The following GRID2 variants were observed in gnomAD, a reference collection of about 807,000 sequenced individuals.
The protein encoded by GRID2 is glutamate ionotropic receptor delta type subunit 2.
GRID2 carries 33 observed loss-of-function variants against 114.8 expected under a neutral mutation model. That is an observed-to-expected ratio of 0.29 (90% CI 0.22 to 0.38). The LOEUF is 0.38. Ranked by LOEUF, GRID2 falls within the 10% of genes least tolerant of loss-of-function variation. The pLI, the probability that GRID2 is intolerant of heterozygous loss-of-function variation, is 1.00. For missense variants in GRID2, 1,184 were observed against 1,257.7 expected, an observed-to-expected ratio of 0.94 and a Z score of 0.89; for synonymous variants, 505 against 449.9, an observed-to-expected ratio of 1.12 and a Z score of -1.55.
intron 1 of GRID2, among the ~76,000 whole-genome samples, chr4:92,550,422 G>A (rs956228983): frequency 2.6e-5 from 4 of 152,086 alleles, no homozygotes; most frequent in African/African-American, 9.7e-5. Flanking sequence ...ATGTTCATTA[G>A]ACACCTACCA....
At chr4:93,315,811 A>G (rs1756520796) in intron 8 of GRID2, among the ~76,000 whole-genome samples, 1 of 152,178 alleles carries the variant, frequency 6.6e-6, no homozygotes, top group Non-Finnish European at 1.5e-5. Flanking sequence ...ATAGTAACTT[A>G]ATTTCCTATT....
At chr4:93,409,154 G>A (rs1299134858) in intron 9 of GRID2, among the ~76,000 whole-genome samples, 2 of 152,108 alleles carry the variant, frequency 1.3e-5, no homozygotes, top group South Asian at 2.1e-4. Flanking sequence ...CTATGTTTAG[G>A]GGCCTGTGAA....
chr4:92,505,781 C>T (rs567010029), intron 1 of GRID2, among the ~76,000 whole-genome samples: 22 of 151,956 alleles, frequency 1.4e-4, no homozygotes, highest in Non-Finnish European at 2.9e-4. Context: ...TCTTTTAGTG[C>T]AATGTATATC....
At chr4:92,476,223 C>T (rs1265946742) in intron 1 of GRID2, among the ~76,000 whole-genome samples, 1 of 152,026 alleles carries the variant, frequency 6.6e-6, no homozygotes. Flanking sequence ...GACCGGGTTT[C>T]ACCGTGTTAG....
intron 14 of GRID2, among the ~76,000 whole-genome samples, chr4:93,734,909 CA>C (rs1474222670): frequency 6.6e-6 from 1 of 151,938 alleles, no homozygotes; most frequent in Admixed American, 6.6e-5. Context: ...CATGGGGTAA[CA>C]AAAGCAACAT....
intron 2 of GRID2, among the ~76,000 whole-genome samples, chr4:92,944,881 G>A (rs897124578): frequency 1.3e-5 from 2 of 152,144 alleles, no homozygotes; most frequent in South Asian, 2.1e-4. Flanking sequence ...TATTTTAAAT[G>A]TATAGCTTCT....
chr4:92,445,700 T>G (rs1733421450), intron 1 of GRID2, among the ~76,000 whole-genome samples: 1 of 152,208 alleles, frequency 6.6e-6, no homozygotes. Flanking sequence ...TGATACAGAC[T>G]AGCCCCATCG....
intron 2 of GRID2, among the ~76,000 whole-genome samples, chr4:92,912,489 A>T (rs1269515067): frequency 1.5e-5 from 2 of 129,602 alleles, no homozygotes; most frequent in African/African-American, 5.6e-5. Flanking sequence ...TTTGATATGT[A>T]CAGAAAAAAA....
chr4:92,612,806 T>C (rs187971340), intron 2 of GRID2, among the ~76,000 whole-genome samples: 3 of 151,524 alleles, frequency 2.0e-5, no homozygotes, highest in African/African-American at 7.2e-5. Flanking sequence ...AGGAACTCAA[T>C]TGTTTGTTAA....
chr4:93,331,458 G>A (rs180763838), intron 8 of GRID2, among the ~76,000 whole-genome samples: 1 of 151,866 alleles, frequency 6.6e-6, no homozygotes, highest in East Asian at 1.9e-4. Flanking sequence ...ACCACAACCT[G>A]ATTCTTTCTT....
intron 2 of GRID2, among the ~76,000 whole-genome samples, chr4:92,741,280 A>G (rs191797451): frequency 1.6e-4 from 24 of 152,274 alleles, no homozygotes; most frequent in Admixed American, 1.5e-3. Flanking sequence ...ATAAGGCACA[A>G]GAAACACTGT....
intron 4 of GRID2, among the ~76,000 whole-genome samples, chr4:93,151,844 T>G (rs1736767247): frequency 6.6e-6 from 1 of 152,176 alleles, no homozygotes; most frequent in South Asian, 2.1e-4. Flanking sequence ...GAACTTGTTT[T>G]GTGTGTCTCG....
chr4:92,915,016 A>G (rs1748673896), intron 2 of GRID2, among the ~76,000 whole-genome samples: 1 of 152,278 alleles, frequency 6.6e-6, no homozygotes, highest in Admixed American at 6.5e-5. Context: ...ACAGTCCAGC[A>G]TGGCTGAAGA....
At chr4:93,471,920 G>A (rs1433436904) in intron 11 of GRID2, among the ~76,000 whole-genome samples, 14 of 149,012 alleles carry the variant, frequency 9.4e-5, no homozygotes, top group Admixed American at 4.6e-4. Context: ...GGCTGGTCTC[G>A]AACTCCCGAC....
In GRID2 at chr4:92,622,860, T is replaced by C. The variant is rs898574994; in HGVS notation, c.244+32574T>C. Among the ~76,000 whole-genome samples, 3 of 151,756 alleles carry C rather than the reference T, an allele frequency of 2.0e-5. No individual in the cohort carries two copies. In the East Asian group the frequency reaches 5.8e-4, roughly 29 times the overall value. Reference sequence around the variant, plus strand: ...TTCACAGGTTTATTGTAATATCCAATAGGTGATAGATTGGAAAGTCTATGT... The same window carrying C: ...TTCACAGGTTTATTGTAATATCCAACAGGTGATAGATTGGAAAGTCTATGT... On this transcript the variant is annotated intron_variant, in intron 2 of 15. Coordinates refer to ENST00000282020, the MANE Select transcript of GRID2 (RefSeq NM_001510.4).
At chr4:92,941,262 T>A (rs987541540) in intron 2 of GRID2, among the ~76,000 whole-genome samples, 1 of 152,202 alleles carries the variant, frequency 6.6e-6, no homozygotes, top group African/African-American at 2.4e-5. Context: ...AACTGGTCTA[T>A]TCAGAGATTC....
chr4:92,804,632 A>C (rs1037825026), intron 2 of GRID2, among the ~76,000 whole-genome samples: 4 of 152,014 alleles, frequency 2.6e-5, no homozygotes, highest in African/African-American at 7.2e-5. Context: ...TTCTCCTGTA[A>C]GACTGCTTTA....
chr4:92,429,034 C>A (rs538685342), intron 1 of GRID2, among the ~76,000 whole-genome samples: 1 of 152,228 alleles, frequency 6.6e-6, no homozygotes, highest in Non-Finnish European at 1.5e-5. Flanking sequence ...CCCCGACAGG[C>A]CCCAGTGTGT....
At chr4:93,490,439 A>G (rs547018426) in intron 11 of GRID2, among the ~76,000 whole-genome samples, 200 bp from the exon 12 acceptor site, 17 of 151,988 alleles carry the variant, frequency 1.1e-4, no homozygotes, top group African/African-American at 3.6e-4. Context: ...AATATTTATC[A>G]TGCTTCTTTT....
Sources: allele counts gnomAD v4.1 joint callset (sites outside exome capture counted in the v4.1 genomes callset), GRCh38; gene constraint gnomAD v4.1.1; transcripts MANE v1.5; gene names NCBI Gene and HGNC (gene_info 2026-07-23, HGNC 2026-07-21).